The following COL26A1 variants were observed in gnomAD, a reference collection of about 807,000 sequenced individuals.
The protein encoded by COL26A1 is collagen type XXVI alpha 1 chain.
COL26A1 carries 41 observed loss-of-function variants against 59.3 expected under a neutral mutation model. The ratio of observed to expected loss-of-function variants is 0.69; its 90% CI spans 0.54 to 0.90. The LOEUF (loss-of-function observed/expected upper bound fraction) is 0.90. Ranked by LOEUF, COL26A1 falls within the 40% of genes least tolerant of loss-of-function variation. The pLI is 0.00. For synonymous variants in COL26A1, 266 were observed against 256.0 expected, an observed-to-expected ratio of 1.04 and a Z score of -0.37; for missense variants, 612 against 602.3, an observed-to-expected ratio of 1.02 and a Z score of -0.17.
chr7:101,507,927 C>G (rs1056248005), intron 3 of COL26A1, among the ~76,000 whole-genome samples: 9 of 152,184 alleles, frequency 5.9e-5, no homozygotes, highest in African/African-American at 2.2e-4. Context: ...GCGCCCCTTC[C>G]TCAAGGCACG....
chr7:101,544,147 G>A (rs373913152), intron 6 of COL26A1, 51 bp downstream of exon 6: 163 of 1,423,292 alleles, frequency 1.1e-4, no homozygotes, highest in Non-Finnish European at 1.5e-4. Flanking sequence ...GAAGGGGCTG[G>A]GCTTTCTTCT....
chr7:101,539,778 C>A, intron 4 of COL26A1, 115 bp from the exon 5 acceptor site: 1 of 1,084,996 alleles, frequency 9.2e-7, no homozygotes, highest in Non-Finnish European at 1.3e-6. Flanking sequence ...ACGGGGCACA[C>A]ACAGCGTGGA....
chr7:101,475,785 T>C (rs28694193), intron 3 of COL26A1, among the ~76,000 whole-genome samples: 9 of 100,812 alleles, frequency 8.9e-5, no homozygotes, highest in African/African-American at 2.5e-4. Context: ...TCTTTCTTTC[T>C]TTCCTTCCTT....
intron 10 of COL26A1, 198 bp from the exon 11 acceptor site, chr7:101,553,128 A>G: frequency 1.9e-6 from 1 of 525,978 alleles, no homozygotes. Context: ...TGCCAGGCTG[A>G]GCAGGCTGTG....
At chr7:101,543,866 G>T (rs763451530) in intron 5 of COL26A1, 132 bp from the exon 6 acceptor site, 15 of 595,812 alleles carry the variant, frequency 2.5e-5, no homozygotes, top group Non-Finnish European at 3.6e-5. Context: ...GAGTGCCTTT[G>T]CCTGTTTAGG....
intron 3 of COL26A1, among the ~76,000 whole-genome samples, chr7:101,475,945 CT>C (rs1794036215): frequency 2.1e-5 from 3 of 140,182 alleles, no homozygotes; most frequent in African/African-American, 8.0e-5. Flanking sequence ...TTTCTTTCTT[CT>C]TTCTTTTTTT....
chr7:101,367,457 G>A (rs11971574), intron 1 of COL26A1, among the ~76,000 whole-genome samples: 33 of 152,218 alleles, frequency 2.2e-4, no homozygotes, highest in African/African-American at 7.7e-4. Context: ...CTGAGGTCAG[G>A]AGTTTGAGAC....
chr7:101,447,662 C>T (rs372718678), intron 2 of COL26A1, 22 bp from the exon 3 acceptor site: 35 of 1,506,198 alleles, frequency 2.3e-5, no homozygotes, highest in Non-Finnish European at 3.1e-5. Flanking sequence ...CTCATGCCCC[C>T]CTGACGCTGT....
chr7:101,420,226 G>C (rs969504476), intron 2 of COL26A1, 127 bp downstream of exon 2: 110 of 1,115,446 alleles, frequency 9.9e-5, no homozygotes, highest in Non-Finnish European at 1.4e-4. Context: ...CATTTATGGA[G>C]CACCTTCTGT....
rs1391265112 is a variant in COL26A1 at position 101,523,269 on chromosome 7, A to G, written c.386-9813A>G. Among the ~76,000 whole-genome samples, 3 of 151,974 alleles carry G rather than the reference A, an allele frequency of 2.0e-5. No homozygotes were observed. In the East Asian group the frequency reaches 5.8e-4, roughly 29 times the overall value. On this transcript the variant is annotated intron_variant, in intron 3 of 12. Transcript: ENST00000313669. ...TTTTTAGTAGAGATGAGGTTTCACT[A>G]TGTTGGCCAGGCTGGTCTCAAACTC... is the stretch of plus-strand genomic sequence containing the variant.
At chr7:101,444,287 C>A (rs1793132085) in intron 2 of COL26A1, among the ~76,000 whole-genome samples, 2 of 152,008 alleles carry the variant, frequency 1.3e-5, no homozygotes, top group South Asian at 4.1e-4. Context: ...AATAAACCCA[C>A]TTTGGGTTTA....
chr7:101,524,578 C>G (rs1296206690), intron 3 of COL26A1, among the ~76,000 whole-genome samples: 4 of 152,052 alleles, frequency 2.6e-5, no homozygotes. Flanking sequence ...ATTGAGTCTT[C>G]CAATCCATGA....
intron 1 of COL26A1, among the ~76,000 whole-genome samples, chr7:101,363,856 G>A (rs1026371227): frequency 3.9e-5 from 6 of 152,176 alleles, no homozygotes; most frequent in African/African-American, 1.4e-4. Context: ...GTGTCGCGGA[G>A]CAGGTTCTCG....
chr7:101,397,677 C>G (rs991248022), intron 1 of COL26A1, among the ~76,000 whole-genome samples: 1 of 152,030 alleles, frequency 6.6e-6, no homozygotes, highest in East Asian at 1.9e-4. Flanking sequence ...GCTGGGACTA[C>G]AGGCACACAC....
chr7:101,517,164 G>A (rs1393432381), intron 3 of COL26A1, among the ~76,000 whole-genome samples: 2 of 152,072 alleles, frequency 1.3e-5, no homozygotes, highest in Non-Finnish European at 2.9e-5. Context: ...CACTGCCCTA[G>A]GGAAGCTGAG....
intron 3 of COL26A1, among the ~76,000 whole-genome samples, chr7:101,481,640 G>C (rs562725743): frequency 6.6e-6 from 1 of 151,492 alleles, no homozygotes; most frequent in Non-Finnish European, 1.5e-5. Context: ...TTGTAGAAAC[G>C]GGGTCACGCT....
intron 12 of COL26A1, among the ~76,000 whole-genome samples, chr7:101,556,588 T>C (rs1318654202): frequency 1.3e-5 from 2 of 151,236 alleles, no homozygotes; most frequent in Non-Finnish European, 2.9e-5. Flanking sequence ...GGTGGATGGA[T>C]AGATGGATAA....
intron 2 of COL26A1, among the ~76,000 whole-genome samples, chr7:101,426,972 A>T (rs1264807820): frequency 6.6e-6 from 1 of 152,158 alleles, no homozygotes; most frequent in East Asian, 1.9e-4. Context: ...CTGCCTGCTC[A>T]GTGTGTCTTG....
At chr7:101,469,294 G>T (rs1793837353) in intron 3 of COL26A1, among the ~76,000 whole-genome samples, 1 of 151,800 alleles carries the variant, frequency 6.6e-6, no homozygotes, top group Non-Finnish European at 1.5e-5. Context: ...GACTGCTGTG[G>T]TTTTTTTTCT....
Sources: allele counts gnomAD v4.1 joint callset (sites outside exome capture counted in the v4.1 genomes callset), GRCh38; gene constraint gnomAD v4.1.1; transcripts MANE v1.5; gene names NCBI Gene and HGNC (gene_info 2026-07-23, HGNC 2026-07-21).